IL1RAPL2: variants seen among roughly 807,000 people sequenced by gnomAD.
The protein encoded by IL1RAPL2 is X-linked interleukin-1 receptor accessory protein-like 2.
IL1RAPL2 carries 3 observed loss-of-function variants against 44.1 expected under a neutral mutation model. The observed-to-expected ratio is 0.07, with a 90% confidence interval of 0.03 to 0.18. IL1RAPL2 has a LOEUF of 0.18. Ranked by LOEUF, IL1RAPL2 falls within the 10% of genes least tolerant of loss-of-function variation. The probability of loss-of-function intolerance (pLI) is 1.00; values close to 1 mark genes in which losing one functional copy is unlikely to be tolerated. For missense variants in IL1RAPL2, 391 were observed against 496.4 expected (o/e 0.79, Z 2.02); for synonymous variants, 181 against 178.8 (o/e 1.01, Z -0.10).
At chrX:105,363,308 A>AATATATAT (rs1219827978) in intron 5 of IL1RAPL2, among the ~76,000 whole-genome samples, 11 of 68,554 alleles carry the variant, frequency 1.6e-4, no homozygotes, top group African/African-American at 1.4e-3. Context: ...ATATATATAT[A>AATATATAT]ATATATATAT....
At chrX:104,906,554 T>A (rs1194075041) in intron 2 of IL1RAPL2, among the ~76,000 whole-genome samples, 1 of 112,009 alleles carries the variant, frequency 8.9e-6, no homozygotes, top group East Asian at 2.8e-4. Context: ...TCTGCATCTA[T>A]TGAGATAATC....
chrX:104,748,435 C>T (rs1050370977), intron 2 of IL1RAPL2, among the ~76,000 whole-genome samples: 1 of 111,655 alleles, frequency 9.0e-6, no homozygotes, highest in Non-Finnish European at 1.9e-5. Flanking sequence ...ACATTTCCAA[C>T]CACTGACAGG....
At chrX:105,437,025 GTATATA>G (rs71694806) in intron 5 of IL1RAPL2, among the ~76,000 whole-genome samples, 2,722 of 91,059 alleles carry the variant, frequency 0.03, 99 homozygotes, top group African/African-American at 0.099. Context: ...AAATATAAAC[GTATATA>G]TATATATATA....
chrX:105,748,711 C>T lies in IL1RAPL2; in HGVS notation c.1049-249C>T, dbSNP rs896201031. Among the ~76,000 whole-genome samples, 9 of 112,036 alleles carry T rather than the reference C, an allele frequency of 8.0e-5. No individual in the cohort carries two copies. In the East Asian group the frequency reaches 1.1e-3, roughly 14 times the overall value. On this transcript the variant is annotated intron_variant, in intron 8 of 10. Coordinates refer to ENST00000372582, the MANE Select transcript of IL1RAPL2 (RefSeq NM_017416.2). ...TGTGACATCTTAGATGCGTTCAAAACGAATTGAGAGCAACTATTCCTTTTC... is the reference window on the plus strand; with the variant it reads ...TGTGACATCTTAGATGCGTTCAAAATGAATTGAGAGCAACTATTCCTTTTC...
intron 5 of IL1RAPL2, among the ~76,000 whole-genome samples, chrX:105,318,974 T>C (rs1349991199): frequency 8.9e-6 from 1 of 112,339 alleles, no homozygotes; most frequent in East Asian, 2.8e-4. Context: ...AGAGATACAT[T>C]ATTTATTTCA....
chrX:105,561,063 C>T (rs757845896), intron 6 of IL1RAPL2, among the ~76,000 whole-genome samples: 1 of 111,340 alleles, frequency 9.0e-6, no homozygotes, highest in Admixed American at 9.6e-5. Flanking sequence ...CATTCCTAAA[C>T]CAAGTCAGTT....
intron 5 of IL1RAPL2, chrX:105,406,441 A>AAAG (rs2035645146): frequency 1.7e-6 from 2 of 1,178,914 alleles, no homozygotes; most frequent in Non-Finnish European, 2.3e-6. Context: ...AAGTGGCAAT[A>AAAG]AAGAATTCTC....
chrX:105,033,257 C>T (rs2031548321), intron 2 of IL1RAPL2, among the ~76,000 whole-genome samples: 1 of 111,587 alleles, frequency 9.0e-6, no homozygotes, highest in Non-Finnish European at 1.9e-5. Context: ...TGAATTTGAT[C>T]CTGTCATTAT....
intron 2 of IL1RAPL2, among the ~76,000 whole-genome samples, chrX:105,000,756 T>C (rs757176449): frequency 1.8e-5 from 2 of 112,030 alleles, no homozygotes; most frequent in Non-Finnish European, 3.8e-5. Flanking sequence ...TGCCTGTTGC[T>C]GAAAACATTA....
intron 6 of IL1RAPL2, among the ~76,000 whole-genome samples, chrX:105,567,405 G>T (rs938501694): frequency 2.4e-4 from 27 of 111,753 alleles, no homozygotes; most frequent in Non-Finnish European, 4.1e-4. Context: ...TATACAAACA[G>T]TACACATATG....
chrX:105,000,995 G>A (rs1010078812), intron 2 of IL1RAPL2, among the ~76,000 whole-genome samples: 3 of 111,481 alleles, frequency 2.7e-5, no homozygotes, highest in African/African-American at 6.5e-5. Flanking sequence ...TTAATAGAAA[G>A]GTCCACTGGA....
intron 2 of IL1RAPL2, among the ~76,000 whole-genome samples, chrX:105,098,509 G>A (rs5962464): frequency 0.023 from 2,525 of 111,924 alleles, 64 homozygotes; most frequent in African/African-American, 0.079. Flanking sequence ...GTAACATGGT[G>A]TCTGCCTGGA....
intron 2 of IL1RAPL2, among the ~76,000 whole-genome samples, chrX:105,124,761 C>T (rs1417451689): frequency 9.0e-6 from 1 of 110,689 alleles, no homozygotes; most frequent in East Asian, 2.8e-4. Flanking sequence ...GAGAAGGTGT[C>T]TATTTCTGTT....
intron 6 of IL1RAPL2, among the ~76,000 whole-genome samples, chrX:105,553,623 A>C (rs1476237994): frequency 8.9e-6 from 1 of 112,340 alleles, no homozygotes; most frequent in African/African-American, 3.2e-5. Flanking sequence ...CTTACATGAT[A>C]TCTTTACTTA....
At chrX:104,764,719 G>C (rs183526627) in intron 2 of IL1RAPL2, among the ~76,000 whole-genome samples, 1 of 111,681 alleles carries the variant, frequency 9.0e-6, no homozygotes, top group Admixed American at 9.5e-5. Flanking sequence ...ATTATGTTGA[G>C]GTATGTTCCT....
rs1270834487 is a variant in IL1RAPL2, at chrX:105,368,878, T to G, written c.697+101337T>G. Among the ~76,000 whole-genome samples the G allele has an allele frequency of 2.7e-5, 3 of 110,328 alleles. No individual in the cohort carries two copies. In the Admixed American group the frequency reaches 2.9e-4, roughly 11 times the overall value. On this transcript the variant is annotated intron_variant, in intron 5 of 10. Transcript: ENST00000372582. ...TTGGGCTGTCTTTAATCTTTTTTAT[T>G]CTTTTCCCTTTTTGCTTCTCAGATT...
chrX:104,875,418 G>A (rs1362936335), intron 2 of IL1RAPL2, among the ~76,000 whole-genome samples: 3 of 94 alleles, frequency 0.032, no homozygotes, highest in African/African-American at 0.14. Context: ...GAAGTAACTG[G>A]GATAATTAAA....
intron 6 of IL1RAPL2, among the ~76,000 whole-genome samples, chrX:105,559,050 G>C (rs771694112): frequency 8.9e-6 from 1 of 111,792 alleles, no homozygotes; most frequent in African/African-American, 3.2e-5. Context: ...GACTCAGAAA[G>C]TCTTCTAATT....
chrX:105,021,110 C>G (rs2031275213), intron 2 of IL1RAPL2, among the ~76,000 whole-genome samples: 1 of 111,730 alleles, frequency 9.0e-6, no homozygotes. Context: ...TCCAGAGAAT[C>G]CATGTAAACA....
Sources: gnomAD v4.1 joint callset for allele counts (sites outside exome capture counted in the v4.1 genomes callset) on GRCh38, gnomAD v4.1.1 for gene constraint, MANE v1.5 for transcripts, NCBI Gene and HGNC (gene_info 2026-07-23, HGNC 2026-07-21) for gene names.